The following SLC22A24 variants were observed in gnomAD, a reference collection of about 807,000 sequenced individuals.
SLC22A24 encodes the protein solute carrier family 22 member 24.
In SLC22A24, 53 loss-of-function variants were observed where a neutral mutation model predicts 49.8. The ratio of observed to expected loss-of-function variants is 1.06; its 90% CI spans 0.85 to 1.34. SLC22A24 has a LOEUF of 1.34. SLC22A24 is among the 40% of genes most tolerant of loss of function. The pLI is 0.00. For synonymous variants in SLC22A24, 302 were observed against 256.4 expected (o/e 1.18, Z -1.70); for missense variants, 786 against 675.9 (o/e 1.16, Z -1.81).
intron 1 of SLC22A24, among the ~76,000 whole-genome samples, chr11:63,141,155 A>G (rs2134687526): frequency 6.6e-6 from 1 of 152,346 alleles, no homozygotes; most frequent in Non-Finnish European, 1.5e-5. Flanking sequence ...CTTATGGTCA[A>G]ACTAATTAAA....
intron 2 of SLC22A24, among the ~76,000 whole-genome samples, chr11:63,123,333 G>A (rs2087265264): frequency 6.6e-6 from 1 of 152,172 alleles, no homozygotes; most frequent in African/African-American, 2.4e-5. Flanking sequence ...GATGTAAAAT[G>A]GTGATCATAT....
In SLC22A24 at chr11:63,096,903, G is replaced by A. The variant is rs534207137; in HGVS notation, c.955-797C>T. Among the ~76,000 whole-genome samples, 146 of 152,208 alleles carry A rather than the reference G, an allele frequency of 9.6e-4. 1 individual carries two copies. Among genetic ancestry groups the A allele is most frequent in the Non-Finnish European group, 1.2e-3 (83 of 68,016 alleles). On this transcript the variant is annotated intron_variant, in intron 5 of 9. Coordinates refer to ENST00000612278, the MANE Select transcript of SLC22A24 (RefSeq NM_001136506.2). ...TTAGTTTTCTTATCATTTAGAAAATGAATTTAGCGTTTCTTTCATAGGGAT... is the reference window on the plus strand; with the variant it reads ...TTAGTTTTCTTATCATTTAGAAAATAAATTTAGCGTTTCTTTCATAGGGAT...
At chr11:63,104,731 A>G (rs1253311083) in intron 4 of SLC22A24, among the ~76,000 whole-genome samples, 2 of 152,178 alleles carry the variant, frequency 1.3e-5, no homozygotes, top group Non-Finnish European at 2.9e-5. Flanking sequence ...TAATAACGGT[A>G]TGGGAGAAAC....
intron 4 of SLC22A24, among the ~76,000 whole-genome samples, chr11:63,113,989 C>G (rs2087194807): frequency 6.6e-6 from 1 of 152,040 alleles, no homozygotes; most frequent in African/African-American, 2.4e-5. Flanking sequence ...TCTGGCTGCC[C>G]TTAACATTTT....
Position 63,143,462 on chromosome 11 carries a change from G to T in SLC22A24, c.318C>A (p.Pro106=). ...WQLLHLNGTF[P]NTNEPDTEPC... Reference sequence around the variant, plus strand: ...GCTCCGTGTCTGGCTCATTTGTGTTGGGGAAGGTCCCGTTCAGGTGAAGGA... The same window carrying T: ...GCTCCGTGTCTGGCTCATTTGTGTTTGGGAAGGTCCCGTTCAGGTGAAGGA... Residue 106 remains proline (P), a synonymous_variant, in exon 1 of 10, where the codon CCC becomes CCA. Coordinates refer to ENST00000612278, the MANE Select transcript of SLC22A24 (RefSeq NM_001136506.2). 6.3e-7 allele frequency: 1 copy of T among 1,592,134 alleles called. No homozygotes were observed. The highest frequency in any genetic ancestry group is 2.3e-5 in the East Asian group (1 of 43,366).
chr11:63,125,331 TG>T (rs941689491), intron 2 of SLC22A24, among the ~76,000 whole-genome samples: 24 of 152,098 alleles, frequency 1.6e-4, no homozygotes, highest in African/African-American at 4.6e-4. Flanking sequence ...CGACAGGCCC[TG>T]GTATGTGATG....
intron 5 of SLC22A24, among the ~76,000 whole-genome samples, chr11:63,099,901 A>G (rs1397634342): frequency 6.6e-6 from 1 of 152,158 alleles, no homozygotes; most frequent in Non-Finnish European, 1.5e-5. Flanking sequence ...ACTCAAAAAA[A>G]TCTCAGTATA....
chr11:63,088,661 A>G (rs2087001414), intron 6 of SLC22A24, among the ~76,000 whole-genome samples: 1 of 152,162 alleles, frequency 6.6e-6, no homozygotes, highest in Admixed American at 6.5e-5. Context: ...ACCCAAGGCA[A>G]GGAAGATAAG....
chr11:63,106,670 T>C lies in SLC22A24; in HGVS notation c.831-2372A>G, dbSNP rs554222765. On this transcript the variant is annotated intron_variant, in intron 4 of 9. Transcript: ENST00000612278. ...ATCATGGTTTTGATTTGCATTTCTC[T>C]GATGGCCAGTGATGATGAGCATTTT... is the stretch of plus-strand genomic sequence containing the variant. Among the ~76,000 whole-genome samples, 4 of 149,392 alleles carry C rather than the reference T, an allele frequency of 2.7e-5. No individual in the cohort carries two copies. The Admixed American group carries it at 2.7e-4, about 10-fold the overall frequency.
At chr11:63,114,855 C>A (rs1166713679) in intron 4 of SLC22A24, among the ~76,000 whole-genome samples, 1 of 152,216 alleles carries the variant, frequency 6.6e-6, no homozygotes, top group East Asian at 1.9e-4. Context: ...GAGGTCCACT[C>A]CAGACCCTGT....
Position 63,143,428 on chromosome 11 carries a change from C to A in SLC22A24, c.352G>T (p.Asp118Tyr). ...GAGCTTCTGTCGTACACCCAGCCAT[C>A]CACACAGGGCTCCGTGTCTGGCTCA... ...TNEPDTEPCV[D>Y]GWVYDRSSFL... Residue 118 changes from aspartate to tyrosine, a missense_variant, in exon 1 of 10, where the codon GAT (aspartate) becomes TAT (tyrosine). Coordinates refer to ENST00000612278, the MANE Select transcript of SLC22A24 (RefSeq NM_001136506.2). The A allele has an allele frequency of 6.5e-7, 1 of 1,539,148 alleles. No homozygotes were observed. Among genetic ancestry groups the A allele is most frequent in the Non-Finnish European group, 8.7e-7 (1 of 1,148,154 alleles).
intron 4 of SLC22A24, chr11:63,115,991 G>A (rs771767611): frequency 1.5e-5 from 5 of 324,792 alleles, no homozygotes; most frequent in African/African-American, 6.4e-5. Context: ...GGCACTGCCC[G>A]AGCCCCTTGA....
Position 63,080,906 on chromosome 11 carries a change from G to T in SLC22A24, c.1598+14C>A. Reference sequence around the variant, plus strand: ...CCACTCCCCACTCAAGTGACAGCTAGAGGGTTTACTCACTCATTTTCCACA... The same window carrying T: ...CCACTCCCCACTCAAGTGACAGCTATAGGGTTTACTCACTCATTTTCCACA... On this transcript the variant is annotated intron_variant, in intron 9 of 9. Transcript: ENST00000612278. The T allele has an allele frequency of 6.5e-7, 1 of 1,548,564 alleles. No homozygotes were observed.
chr11:63,119,514 A>G (rs1229209949), intron 2 of SLC22A24, among the ~76,000 whole-genome samples, 179 bp from the exon 3 acceptor site: 1 of 152,146 alleles, frequency 6.6e-6, no homozygotes, highest in African/African-American at 2.4e-5. Context: ...AACCCTCCCT[A>G]TTTGTCAGTA....
Position 63,119,235 on chromosome 11 carries a change from G to T in SLC22A24, c.607C>A (p.Arg203Ser), listed in dbSNP as rs74434787. 2.5e-5 allele frequency: 39 copies of T among 1,551,004 alleles called. No homozygotes were observed. The highest frequency in any genetic ancestry group is 1.7e-4 in the Middle Eastern group (1 of 6,016). The change falls in exon 3 of 10, where the codon CGC (arginine) becomes AGC (serine). Residue 203 changes from arginine (R) to serine (S), a missense_variant. Physicochemically the swap from Arg to Ser is moderately radical, Grantham distance 110. Transcript: ENST00000612278. ...ATGGTGGAGAACCCTGCCAAGAAGC[G>T]CAGTATGCAGTAAACAAGGAAGGTG... ...APTFLVYCIL[R>S]FLAGFSTMTI...
Position 63,119,271 on chromosome 11 carries a change from C to G in SLC22A24, c.571G>C (p.Ala191Pro). The change falls in exon 3 of 10, where the codon GCC (alanine) becomes CCC (proline). Residue 191 changes from alanine (A) to proline (P), a missense_variant. Transcript: ENST00000612278. ...LQLAISNTCA[A>P]FAPTFLVYCI... ...TAAACAAGGAAGGTGGGAGCGAAGGCCGCACAGGTGTTAGAGATGGCCAGC... is the reference window on the plus strand; with the variant it reads ...TAAACAAGGAAGGTGGGAGCGAAGGGCGCACAGGTGTTAGAGATGGCCAGC... The G allele has an allele frequency of 6.4e-7, 1 of 1,551,434 alleles. No individual in the cohort carries two copies. Among genetic ancestry groups the G allele is most frequent in the Non-Finnish European group, 8.7e-7 (1 of 1,146,852 alleles).
chr11:63,110,480 G>A (rs1338817993), intron 4 of SLC22A24, among the ~76,000 whole-genome samples: 3 of 141,334 alleles, frequency 2.1e-5, no homozygotes, highest in Non-Finnish European at 4.7e-5. Context: ...CTTCCCATGA[G>A]CATGGAATGT....
rs571334625 is a variant in SLC22A24 at position 63,089,941 on chromosome 11, C to T, written c.1070+6050G>A. On this transcript the variant is annotated intron_variant, in intron 6 of 9. Coordinates refer to ENST00000612278, the MANE Select transcript of SLC22A24 (RefSeq NM_001136506.2). ...CTAAAAATACAAAAAATTAGCCAGG[C>T]GTGGTGGTGGGCGCCTGTCGTCCCA... Among the ~76,000 whole-genome samples, 109 of 151,650 alleles carry T rather than the reference C, an allele frequency of 7.2e-4. 1 individual carries two copies. The Middle Eastern group carries it at 0.014, about 19-fold the overall frequency.
chr11:63,119,430 G>GT (rs1431631712), intron 2 of SLC22A24, 95 bp from the exon 3 acceptor site: 1 of 1,202,796 alleles, frequency 8.3e-7, no homozygotes, highest in Non-Finnish European at 1.1e-6. Context: ...TAGGATAAAT[G>GT]TTTAACAAGT....
Sources: gnomAD v4.1 joint callset for allele counts (sites outside exome capture counted in the v4.1 genomes callset) on GRCh38, gnomAD v4.1.1 for gene constraint, MANE v1.5 for transcripts, NCBI Gene and HGNC (gene_info 2026-07-23, HGNC 2026-07-21) for gene names.